Variants in SLC25A21 observed in about 807,000 individuals in gnomAD.
SLC25A21 encodes the protein solute carrier family 25 member 21, also known as mitochondrial 2-oxodicarboxylate carrier.
Under a neutral mutation model 43.8 loss-of-function variants are expected in SLC25A21, and 47 were observed. The ratio of observed to expected loss-of-function variants is 1.07; its 90% CI spans 0.85 to 1.37. The LOEUF is 1.37. Ranked by LOEUF, SLC25A21 falls within the 40% of genes most tolerant of loss-of-function variation. The pLI, the probability that SLC25A21 is intolerant of heterozygous loss-of-function variation, is 0.00. For missense variants in SLC25A21, 352 were observed against 350.2 expected (o/e 1.00, Z -0.04); for synonymous variants, 131 against 121.3 (o/e 1.08, Z -0.52).
chr14:37,020,446 CTT>C (rs535616394), intron 1 of SLC25A21, among the ~76,000 whole-genome samples: 1 of 145,802 alleles, frequency 6.9e-6, no homozygotes. Context: ...GAAAAAGTCA[CTT>C]TTTTTTTTTC....
chr14:37,106,133 G>A (rs1188554866), intron 1 of SLC25A21, among the ~76,000 whole-genome samples: 1 of 151,978 alleles, frequency 6.6e-6, no homozygotes, highest in Non-Finnish European at 1.5e-5. Context: ...ATTGTAAAAT[G>A]TGTGTTTGAA....
chr14:37,122,796 G>A (rs910072764), intron 1 of SLC25A21, among the ~76,000 whole-genome samples: 9 of 152,006 alleles, frequency 5.9e-5, no homozygotes, highest in Admixed American at 1.3e-4. Flanking sequence ...TTTTATTGAC[G>A]TTCTTGTCCC....
intron 3 of SLC25A21, among the ~76,000 whole-genome samples, chr14:36,736,086 C>A (rs1013593996): frequency 6.6e-6 from 1 of 151,776 alleles, no homozygotes; most frequent in Non-Finnish European, 1.5e-5. Flanking sequence ...CAGGCACCCG[C>A]CACCACGCCC....
chr14:36,968,837 G>C (rs1959680094), intron 1 of SLC25A21, among the ~76,000 whole-genome samples: 2 of 152,292 alleles, frequency 1.3e-5, no homozygotes, highest in Admixed American at 1.3e-4. Context: ...AGGGAGAAGA[G>C]GCTCAGCAAG....
intron 1 of SLC25A21, among the ~76,000 whole-genome samples, chr14:36,995,883 G>C (rs1312183556): frequency 6.6e-6 from 1 of 152,110 alleles, no homozygotes; most frequent in South Asian, 2.1e-4. Context: ...TAATACTGTA[G>C]CTAACAATTG....
chr14:36,975,432 A>G (rs1959847544), intron 1 of SLC25A21, among the ~76,000 whole-genome samples: 2 of 152,226 alleles, frequency 1.3e-5, no homozygotes, highest in South Asian at 4.1e-4. Context: ...GGAAAAATGT[A>G]AGAAAGATTT....
At chr14:37,122,594 C>T (rs530581091) in intron 1 of SLC25A21, among the ~76,000 whole-genome samples, 94 of 152,116 alleles carry the variant, frequency 6.2e-4, no homozygotes, top group Non-Finnish European at 1.2e-3. Context: ...AGTAGCTTCA[C>T]GTGGAAGCTT....
chr14:36,884,272 TGAC>T (rs1161208915), intron 1 of SLC25A21, among the ~76,000 whole-genome samples: 1 of 152,214 alleles, frequency 6.6e-6, no homozygotes, highest in African/African-American at 2.4e-5. Context: ...TCACTTAGCA[TGAC>T]GTCCTCTGGG....
chr14:37,075,763 T>C (rs561518689), intron 1 of SLC25A21, among the ~76,000 whole-genome samples: 2 of 152,352 alleles, frequency 1.3e-5, no homozygotes, highest in South Asian at 2.1e-4. Flanking sequence ...TATTGAGTCA[T>C]ATGTGACCCA....
chr14:36,680,801 G>A, intron 9 of SLC25A21, 82 bp from the exon 10 acceptor site: 2 of 1,267,146 alleles, frequency 1.6e-6, no homozygotes, highest in Non-Finnish European at 1.1e-6. Flanking sequence ...AATCCATGAT[G>A]TCTCGCACAG....
intron 1 of SLC25A21, among the ~76,000 whole-genome samples, chr14:36,897,909 G>A (rs1891290115): frequency 6.6e-6 from 1 of 152,178 alleles, no homozygotes; most frequent in Non-Finnish European, 1.5e-5. Context: ...TGTCTCAGAG[G>A]AGTACCTGGC....
chr14:37,134,532 C>G (rs182582768), intron 1 of SLC25A21, among the ~76,000 whole-genome samples: 155 of 151,808 alleles, frequency 1.0e-3, no homozygotes, highest in African/African-American at 3.7e-3. Flanking sequence ...ATTATCCCAG[C>G]TACTTGGGAG....
intron 1 of SLC25A21, among the ~76,000 whole-genome samples, chr14:36,988,195 G>A (rs970735405): frequency 6.6e-6 from 1 of 152,152 alleles, no homozygotes; most frequent in Non-Finnish European, 1.5e-5. Flanking sequence ...AGCCTCACGA[G>A]ACTTATTTTC....
chr14:36,992,218 A>G (rs34175648), intron 1 of SLC25A21, among the ~76,000 whole-genome samples: 13,776 of 152,098 alleles, frequency 0.091, 712 homozygotes, highest in African/African-American at 0.13. Context: ...TGGACAGATT[A>G]GAGATGTCAT....
At chr14:36,959,323 C>A (rs754851198) in intron 1 of SLC25A21, among the ~76,000 whole-genome samples, 4 of 152,140 alleles carry the variant, frequency 2.6e-5, no homozygotes, top group African/African-American at 9.7e-5. Flanking sequence ...ATCTTACTCA[C>A]TCAAATCAGG....
At chr14:36,978,743 C>T (rs192263117) in intron 1 of SLC25A21, among the ~76,000 whole-genome samples, 2 of 152,276 alleles carry the variant, frequency 1.3e-5, no homozygotes, top group Non-Finnish European at 2.9e-5. Context: ...ACCATTTAGA[C>T]TTGGTTACTC....
chr14:36,922,258 A>G (rs1892002127), intron 1 of SLC25A21, among the ~76,000 whole-genome samples: 1 of 152,142 alleles, frequency 6.6e-6, no homozygotes, highest in Non-Finnish European at 1.5e-5. Flanking sequence ...AAACTGGACA[A>G]AATATGGAGC....
intron 3 of SLC25A21, among the ~76,000 whole-genome samples, chr14:36,778,899 C>A (rs1374378289): frequency 6.6e-6 from 1 of 152,040 alleles, no homozygotes; most frequent in Non-Finnish European, 1.5e-5. Flanking sequence ...ACTATAGTTT[C>A]CATGCTGTAC....
intron 1 of SLC25A21, among the ~76,000 whole-genome samples, chr14:36,951,654 C>T (rs1892814206): frequency 6.6e-6 from 1 of 151,886 alleles, no homozygotes; most frequent in African/African-American, 2.4e-5. Flanking sequence ...AATAATAGTA[C>T]TAAAGCAATT....
Sources: gnomAD v4.1 joint callset for allele counts (sites outside exome capture counted in the v4.1 genomes callset) on GRCh38, gnomAD v4.1.1 for gene constraint, MANE v1.5 for transcripts, NCBI Gene and HGNC (gene_info 2026-07-23, HGNC 2026-07-21) for gene names.